The following MAPK1IP1L variants were observed in gnomAD, a reference collection of about 807,000 sequenced individuals.
MAPK1IP1L encodes MAPK-interacting and spindle-stabilizing protein-like.
Under a neutral mutation model 18.1 loss-of-function variants are expected in MAPK1IP1L, and 10 were observed. The ratio of observed to expected loss-of-function variants is 0.55; its 90% CI spans 0.34 to 0.94. MAPK1IP1L has a LOEUF of 0.94. Ranked by LOEUF, MAPK1IP1L falls within the 40% of genes least tolerant of loss-of-function variation. MAPK1IP1L has a pLI of 0.02. For missense variants in MAPK1IP1L, 260 were observed against 318.2 expected, an observed-to-expected ratio of 0.82 and a Z score of 1.39; for synonymous variants, 115 against 117.3, an observed-to-expected ratio of 0.98 and a Z score of 0.13.
In MAPK1IP1L at chr14:55,068,609, T is replaced by C. The variant is rs776624907; in HGVS notation, c.*3982T>C. ...TAAATTCAGATAAATCACACTGATA[T>C]ATTGTACTATGCATAGAAAGTTGTA... On this transcript the variant is annotated 3_prime_UTR_variant, in exon 4 of 4. Coordinates refer to ENST00000395468, the MANE Select transcript of MAPK1IP1L (RefSeq NM_144578.4). The C allele has an allele frequency of 2.6e-5, 4 of 151,760 alleles. No individual in the cohort carries two copies. Among genetic ancestry groups the C allele is most frequent in the Admixed American group, 6.5e-5 (1 of 15,280 alleles). 9.4% of individuals were successfully genotyped at this position (151,760 alleles called of 1,614,324 possible).
intron 1 of MAPK1IP1L, among the ~76,000 whole-genome samples, chr14:55,059,225 G>GAAAAAA (rs3078612): frequency 4.4e-4 from 28 of 63,270 alleles, no homozygotes; most frequent in African/African-American, 8.7e-4. Context: ...AGGAAAATCT[G>GAAAAAA]AAAAAAAAAA....
Position 55,063,281 on chromosome 14 carries a change from C to A in MAPK1IP1L, c.682C>A (p.Pro228Thr). 1 of 1,613,986 alleles carries A rather than the reference C, an allele frequency of 6.2e-7. No individual in the cohort carries two copies. The change falls in exon 3 of 4, where the codon CCT becomes ACT. Residue 228 changes from proline (P) to threonine (T), a missense_variant. Pro to Thr is a conservative substitution (Grantham distance 38). Coordinates refer to ENST00000395468, the MANE Select transcript of MAPK1IP1L (RefSeq NM_144578.4). ...YPTPSNPFQV[P>T]SGPSGAPPMP... ...TACTCCCAGTAATCCTTTCCAAGTG[C>A]CTTCAGGACCTTCTGGTGCTCCACC...
rs1319164320 is a variant in MAPK1IP1L, at chr14:55,063,234, A to T, written c.635A>T (p.Tyr212Phe). 5.0e-6 allele frequency: 8 copies of T among 1,614,078 alleles called. No individual in the cohort carries two copies. In the East Asian group the frequency reaches 1.8e-4, roughly 36 times the overall value. ...CCATATCCTGCCCCTACAGGATCGT[A>T]TCCCACACCAGGACTCTATCCTACT... ...PAPYPAPTGS[Y>F]PTPGLYPTPS... The change falls in exon 3 of 4, where the codon TAT becomes TTT. Residue 212 changes from tyrosine (Y) to phenylalanine (F), a missense_variant. Transcript: ENST00000395468.
Position 55,051,695 on chromosome 14 carries a change from C to A in MAPK1IP1L, c.-113C>A, listed in dbSNP as rs376421904. ...GAGCCGCGCGCTGCTGGTGCTGTTGCCGCCGCTGCTCTAGCTGCCGTCAGT... is the reference window on the plus strand; with the variant it reads ...GAGCCGCGCGCTGCTGGTGCTGTTGACGCCGCTGCTCTAGCTGCCGTCAGT... On this transcript the variant is annotated 5_prime_UTR_variant, in exon 1 of 4. Coordinates refer to ENST00000395468, the MANE Select transcript of MAPK1IP1L (RefSeq NM_144578.4). 3.9e-6 allele frequency: 2 copies of A among 516,088 alleles called. No individual in the cohort carries two copies. The highest frequency in any genetic ancestry group is 1.9e-5 in the African/African-American group (1 of 51,602). The allele number at this position is 516,088 out of a possible 1,614,324, so 32.0% of individuals were successfully genotyped here.
chr14:55,064,563 A>G, intron 3 of MAPK1IP1L, 53 bp from the exon 4 acceptor site: 2 of 1,561,190 alleles, frequency 1.3e-6, no homozygotes, highest in Non-Finnish European at 8.8e-7. Context: ...TAAGGAGTTA[A>G]TAAACTCCAT....
intron 1 of MAPK1IP1L, among the ~76,000 whole-genome samples, chr14:55,060,200 A>G (rs1594625278): frequency 9.6e-6 from 1 of 104,620 alleles, no homozygotes; most frequent in South Asian, 3.4e-4. Context: ...GATATGGAGT[A>G]GCCCTCCGTT....
In MAPK1IP1L at chr14:55,063,082, T is replaced by C. The variant is rs763142625; in HGVS notation, c.483T>C (p.Tyr161=). 3 of 1,613,272 alleles carry C rather than the reference T, an allele frequency of 1.9e-6. No homozygotes were observed. The highest frequency in any genetic ancestry group is 1.3e-5 in the African/African-American group (1 of 74,868). ...GPWAPGMGGQ[Y]PTPNMPYPSP... ...GGGCGCCAGGAATGGGAGGGCAGTA[T>C]CCTACCCCTAATATGCCATATCCAT... The change falls in exon 3 of 4, where the codon TAT becomes TAC. Residue 161 remains tyrosine, a synonymous_variant. Coordinates refer to ENST00000395468, the MANE Select transcript of MAPK1IP1L (RefSeq NM_144578.4).
rs1344302735 is a variant in MAPK1IP1L at position 55,062,656 on chromosome 14, C to T, written c.57C>T (p.Thr19=). The part of the protein sequence containing the change: ...DALPEHSPAK[T]SAVSNTKPGQ... ...TACCTGAACACTCCCCTGCCAAAAC[C>T]TCTGCTGTGAGCAATACAAAACCTG... The change falls in exon 3 of 4, where the codon ACC becomes ACT. Residue 19 remains threonine, a synonymous_variant. Transcript: ENST00000395468. 2 of 1,614,002 alleles carry T rather than the reference C, an allele frequency of 1.2e-6. No individual in the cohort carries two copies. The highest frequency in any genetic ancestry group is 4.5e-5 in the East Asian group (2 of 44,876).
In MAPK1IP1L at chr14:55,051,678, C is replaced by T. The variant is rs2042728583; in HGVS notation, c.-130C>T. On this transcript the variant is annotated 5_prime_UTR_variant, in exon 1 of 4. Coordinates refer to ENST00000395468, the MANE Select transcript of MAPK1IP1L (RefSeq NM_144578.4). ...TGTTCCGGCGCCAGGAGGAGCCGCG[C>T]GCTGCTGGTGCTGTTGCCGCCGCTG... is the stretch of plus-strand genomic sequence containing the variant. The T allele has an allele frequency of 7.8e-6, 4 of 515,196 alleles. No individual in the cohort carries two copies. The highest frequency in any genetic ancestry group is 1.9e-5 in the African/African-American group (1 of 51,500). 31.9% of individuals were successfully genotyped at this position (515,196 alleles called of 1,614,324 possible). A position where few individuals can be genotyped will look rare whatever the true frequency, so the allele number is the denominator to read the frequency against.
chr14:55,058,828 T>C (rs1443059429), intron 1 of MAPK1IP1L, among the ~76,000 whole-genome samples: 2 of 149,004 alleles, frequency 1.3e-5, no homozygotes, highest in East Asian at 3.9e-4. Flanking sequence ...TGAGACCCTG[T>C]CTCAAAAAAA....
At position 55,069,090 on chromosome 14, in the gene MAPK1IP1L, G is replaced by T. The variant is rs888341190; in HGVS notation, c.*4463G>T. ...AACAATTCAAGTGTGCAAAGTAACA[G>T]GATAGTTTGCCTCTTCACTTTACCC... On this transcript the variant is annotated 3_prime_UTR_variant, in exon 4 of 4. Coordinates refer to ENST00000395468, the MANE Select transcript of MAPK1IP1L (RefSeq NM_144578.4). The T allele has an allele frequency of 6.6e-6, 1 of 152,026 alleles. No individual in the cohort carries two copies. 9.4% of individuals were successfully genotyped at this position (152,026 alleles called of 1,614,324 possible).
chr14:55,062,887 C>T lies in MAPK1IP1L; in HGVS notation c.288C>T (p.Pro96=). Reference sequence around the variant, plus strand: ...TTCCTCCTTCCGGACCATCATGTCCCCCACCTGGTGGTCCTTATCCAGCCC... The same window carrying T: ...TTCCTCCTTCCGGACCATCATGTCCTCCACCTGGTGGTCCTTATCCAGCCC... The part of the protein sequence containing the change: ...APFPPSGPSC[P]PPGGPYPAPT... Residue 96 remains proline (P), a synonymous_variant, in exon 3 of 4, where the codon CCC becomes CCT. Transcript: ENST00000395468. 1 of 1,614,164 alleles carries T rather than the reference C, an allele frequency of 6.2e-7. No individual in the cohort carries two copies. The highest frequency in any genetic ancestry group is 1.1e-5 in the South Asian group (1 of 91,080).
rs1445360705 is a variant in MAPK1IP1L, at chr14:55,066,032, C to T, written c.*1405C>T. On this transcript the variant is annotated 3_prime_UTR_variant, in exon 4 of 4. Coordinates refer to ENST00000395468, the MANE Select transcript of MAPK1IP1L (RefSeq NM_144578.4). ...TGGCACCTTATGTTTAAATCAGATT[C>T]TTAGATTTGGAGTAGACCTGACCTT... 6.7e-6 allele frequency: 1 copy of T among 149,556 alleles called. No individual in the cohort carries two copies. The highest frequency in any genetic ancestry group is 1.5e-5 in the Non-Finnish European group (1 of 67,670). The allele number at this position is 149,556 out of a possible 1,614,324, so 9.3% of individuals were successfully genotyped here. A position where few individuals can be genotyped will look rare whatever the true frequency, so the allele number is the denominator to read the frequency against.
Position 55,063,144 on chromosome 14 carries a change from C to T in MAPK1IP1L, c.545C>T (p.Ala182Val), listed in dbSNP as rs1190500765. ...TATCCCGCTCCTCCTCCTCCCCAAG[C>T]CCCTGGGGCAGCACCACCTGTTCCA... ...GPYPAPPPPQ[A>V]PGAAPPVPWG... The change falls in exon 3 of 4, where the codon GCC becomes GTC. Residue 182 changes from alanine (A) to valine (V), a missense_variant. Coordinates refer to ENST00000395468, the MANE Select transcript of MAPK1IP1L (RefSeq NM_144578.4). The T allele has an allele frequency of 1.2e-6, 2 of 1,614,054 alleles. No homozygotes were observed. Among genetic ancestry groups the T allele is most frequent in the Non-Finnish European group, 1.7e-6 (2 of 1,180,042 alleles).
intron 3 of MAPK1IP1L, 67 bp from the exon 4 acceptor site, chr14:55,064,549 A>T: frequency 7.2e-7 from 1 of 1,389,020 alleles, no homozygotes; most frequent in Non-Finnish European, 1.0e-6. Context: ...ACTTTAAGCC[A>T]CAGTAAGGAG....
At position 55,061,702 on chromosome 14, in the gene MAPK1IP1L, GT is replaced by G; in HGVS notation, c.18+2del. The G allele has an allele frequency of 6.4e-7, 1 of 1,566,690 alleles. No homozygotes were observed. Among genetic ancestry groups the G allele is most frequent in the Non-Finnish European group, 8.7e-7 (1 of 1,150,862 alleles). On this transcript the variant is annotated splice_donor_variant, in intron 2 of 3. Coordinates refer to ENST00000395468, the MANE Select transcript of MAPK1IP1L (RefSeq NM_144578.4). LOFTEE classifies it high-confidence loss of function. Reference sequence around the variant, plus strand: ...TAGGAAAATGTCTGATGAATTTTCGGTAAGTTGATCAGTTTATCTGTGATAA... The same window carrying G: ...TAGGAAAATGTCTGATGAATTTTCGGAAGTTGATCAGTTTATCTGTGATAA...
chr14:55,052,273 T>A (rs2042736504), intron 1 of MAPK1IP1L, among the ~76,000 whole-genome samples: 1 of 152,142 alleles, frequency 6.6e-6, no homozygotes, highest in Non-Finnish European at 1.5e-5. Context: ...TTACACTCAT[T>A]CATTAATTTT....
At chr14:55,059,022 G>A (rs887306149) in intron 1 of MAPK1IP1L, among the ~76,000 whole-genome samples, 4 of 151,756 alleles carry the variant, frequency 2.6e-5, no homozygotes, top group African/African-American at 9.7e-5. Flanking sequence ...TGGGATTTGA[G>A]TATCTATGGG....
At position 55,066,840 on chromosome 14, in the gene MAPK1IP1L, A is replaced by G. The variant is rs1335914467; in HGVS notation, c.*2213A>G. 1 of 152,118 alleles carries G rather than the reference A, an allele frequency of 6.6e-6. No homozygotes were observed. Among genetic ancestry groups the G allele is most frequent in the African/African-American group, 2.4e-5 (1 of 41,430 alleles). 9.4% of individuals were successfully genotyped at this position (152,118 alleles called of 1,614,324 possible). ...ACCCATACTGTCCAGTGTGCCCTAA[A>G]TCATACTGCTATTGTACTCCCTTTG... On this transcript the variant is annotated 3_prime_UTR_variant, in exon 4 of 4. Transcript: ENST00000395468.
Sources: allele counts gnomAD v4.1 joint callset (sites outside exome capture counted in the v4.1 genomes callset), GRCh38; gene constraint gnomAD v4.1.1; transcripts MANE v1.5; gene names NCBI Gene and HGNC (gene_info 2026-07-23, HGNC 2026-07-21).